The following SOCS6 variants were observed in gnomAD, a reference collection of about 807,000 sequenced individuals.
SOCS6 encodes suppressor of cytokine signaling 6, also known as STAT induced STAT inhibitor-4.
A neutral mutation model predicts 27.7 loss-of-function variants in SOCS6; 5 were observed. The ratio of observed to expected loss-of-function variants is 0.18; its 90% confidence interval spans 0.09 to 0.38. The LOEUF (loss-of-function observed/expected upper bound fraction) is 0.38. Among genes scored for constraint, SOCS6 ranks in the 10% least tolerant of loss-of-function variants. The pLI, the probability that SOCS6 is intolerant of heterozygous loss-of-function variation, is 1.00. For synonymous variants in SOCS6, 271 were observed against 260.0 expected (o/e 1.04, Z -0.41); for missense variants, 595 against 688.1 (o/e 0.86, Z 1.51).
intron 1 of SOCS6, among the ~76,000 whole-genome samples, 190 bp from the exon 2 acceptor site, chr18:70,324,353 T>C (rs372740368): frequency 6.8e-6 from 1 of 146,472 alleles, no homozygotes; most frequent in East Asian, 1.9e-4. Context: ...ACTTGCCAAA[T>C]GCTCATTGTG....
intron 1 of SOCS6, among the ~76,000 whole-genome samples, chr18:70,317,582 C>CACA (rs1232032746): frequency 3.4e-5 from 5 of 145,638 alleles, no homozygotes; most frequent in African/African-American, 1.0e-4. Context: ...CACACACACA[C>CACA]CACATTTTCT....
chr18:70,319,736 A>G (rs1373399462), intron 1 of SOCS6, among the ~76,000 whole-genome samples: 1 of 152,146 alleles, frequency 6.6e-6, no homozygotes, highest in Non-Finnish European at 1.5e-5. Context: ...TGAAATGTGA[A>G]TATTTCAAAG....
chr18:70,298,202 C>T (rs893923249), intron 1 of SOCS6, among the ~76,000 whole-genome samples: 13 of 152,042 alleles, frequency 8.6e-5, no homozygotes, highest in Non-Finnish European at 1.8e-4. Context: ...CACTTTGCTA[C>T]AGTACAGAAT....
intron 1 of SOCS6, among the ~76,000 whole-genome samples, chr18:70,317,124 T>A (rs1010231734): frequency 6.6e-6 from 1 of 152,208 alleles, no homozygotes; most frequent in African/African-American, 2.4e-5. Flanking sequence ...TCTTTAGTGG[T>A]GATTTCTGAG....
At chr18:70,318,075 C>G (rs183549064) in intron 1 of SOCS6, among the ~76,000 whole-genome samples, 6 of 152,214 alleles carry the variant, frequency 3.9e-5, no homozygotes, top group Non-Finnish European at 4.4e-5. Context: ...GACTGGCCCT[C>G]GAACGCCTGA....
intron 1 of SOCS6, among the ~76,000 whole-genome samples, chr18:70,289,753 C>T (rs1410305164): frequency 6.6e-6 from 1 of 152,048 alleles, no homozygotes; most frequent in Non-Finnish European, 1.5e-5. Flanking sequence ...AAGGTGCCGC[C>T]GGCCGGCTGC....
intron 1 of SOCS6, among the ~76,000 whole-genome samples, chr18:70,297,979 T>C (rs982043755): frequency 6.6e-6 from 1 of 152,210 alleles, no homozygotes; most frequent in African/African-American, 2.4e-5. Context: ...AGCATTTGAA[T>C]AATGGGCAAA....
chr18:70,321,312 GTTTTTTT>G (rs763120236), intron 1 of SOCS6, among the ~76,000 whole-genome samples: 2,084 of 68,668 alleles, frequency 0.03, 31 homozygotes, highest in South Asian at 0.064. Context: ...AATTTTCTCA[GTTTTTTT>G]TTTTTTTTTT....
intron 1 of SOCS6, among the ~76,000 whole-genome samples, chr18:70,322,759 G>A (rs1911037129): frequency 1.3e-5 from 2 of 152,076 alleles, no homozygotes; most frequent in Admixed American, 1.3e-4. Flanking sequence ...TTTAAAAATT[G>A]CTTCTTCCTT....
At chr18:70,307,349 GT>G (rs2062373725) in intron 1 of SOCS6, among the ~76,000 whole-genome samples, 1 of 152,200 alleles carries the variant, frequency 6.6e-6, no homozygotes, top group Admixed American at 6.5e-5. Context: ...TGTTATCAGG[GT>G]AATACTGGCC....
chr18:70,323,213 A>G (rs983630278), intron 1 of SOCS6, among the ~76,000 whole-genome samples: 4 of 152,240 alleles, frequency 2.6e-5, no homozygotes, highest in Non-Finnish European at 5.9e-5. Flanking sequence ...GCTCAAGTCA[A>G]GCGAATCACC....
chr18:70,325,649 T>A lies in SOCS6; in HGVS notation c.981T>A (p.Ser327Arg), dbSNP rs780470478. 2 of 1,614,238 alleles carry A rather than the reference T, an allele frequency of 1.2e-6. No homozygotes were observed. The highest frequency in any genetic ancestry group is 2.2e-5 in the South Asian group (2 of 91,090). Residue 327 changes from serine (S) to arginine (R), a missense_variant, in exon 2 of 2, where the codon AGT becomes AGA. Ser to Arg is a moderately radical substitution (Grantham distance 110). Around this residue, in one of 2 missense-constraint regions of SOCS6, gnomAD observed 467 missense variants for 481.1 expected, o/e 0.97. Coordinates refer to ENST00000397942, the MANE Select transcript of SOCS6 (RefSeq NM_004232.4). The surrounding 1 kb of genome is among the most constrained non-coding windows in gnomAD (Gnocchi z 6.3). ...ATAATCAAATCCAAAGGAACTTCAG[T>A]GGACTCACTGGCACAGAAGCCCACG... ...MQNNQIQRNF[S>R]GLTGTEAHVA...
At position 70,328,875 on chromosome 18, in the gene SOCS6, A is replaced by G. The variant is rs1372658774; in HGVS notation, c.*2599A>G. 6.0e-6 allele frequency: 1 copy of G among 167,048 alleles called. No individual in the cohort carries two copies. Among genetic ancestry groups the G allele is most frequent in the African/African-American group, 2.4e-5 (1 of 41,464 alleles). 10.3% of individuals were successfully genotyped at this position (167,048 alleles called of 1,614,324 possible). A position where few individuals can be genotyped will look rare whatever the true frequency, so the allele number is the denominator to read the frequency against. ...GAAAACTCATCATTTAGTTTGGTCT[A>G]GACACAATTTGGTTAAATTTTAGGA... On this transcript the variant is annotated 3_prime_UTR_variant, in exon 2 of 2. Transcript: ENST00000397942.
intron 1 of SOCS6, among the ~76,000 whole-genome samples, chr18:70,310,762 T>C (rs978724758): frequency 5.3e-5 from 8 of 152,164 alleles, no homozygotes; most frequent in African/African-American, 1.9e-4. Flanking sequence ...CTGTCTATGC[T>C]CTTAATCATG....
At chr18:70,289,430 C>G (rs1287943254) in intron 1 of SOCS6, among the ~76,000 whole-genome samples, 1 of 147,444 alleles carries the variant, frequency 6.8e-6, no homozygotes, top group Non-Finnish European at 1.5e-5. Context: ...GACGGCTCTT[C>G]TCGACCCCTC....
At chr18:70,319,806 T>C (rs1339322251) in intron 1 of SOCS6, among the ~76,000 whole-genome samples, 1 of 152,120 alleles carries the variant, frequency 6.6e-6, no homozygotes, top group East Asian at 1.9e-4. Flanking sequence ...CTTGTTTGAA[T>C]TGCTGGCTAC....
chr18:70,317,063 T>C (rs905957546), intron 1 of SOCS6, among the ~76,000 whole-genome samples: 2 of 152,248 alleles, frequency 1.3e-5, no homozygotes, highest in African/African-American at 4.8e-5. Context: ...TAATGTATTT[T>C]TTATTTCAAT....
intron 1 of SOCS6, among the ~76,000 whole-genome samples, chr18:70,314,029 T>C (rs2062401162): frequency 6.6e-6 from 1 of 152,228 alleles, no homozygotes; most frequent in Non-Finnish European, 1.5e-5. Flanking sequence ...TTCACCTTTT[T>C]TGAAGCTGTT....
chr18:70,319,783 T>C (rs1910907747), intron 1 of SOCS6, among the ~76,000 whole-genome samples: 1 of 152,096 alleles, frequency 6.6e-6, no homozygotes, highest in Non-Finnish European at 1.5e-5. Flanking sequence ...GAAGAGTGTC[T>C]CCAGGGGAAG....
Sources: gnomAD v4.1 joint callset for allele counts (sites outside exome capture counted in the v4.1 genomes callset) on GRCh38, gnomAD v4.1.1 for gene constraint, gnomAD v4.1.1 regional missense constraint, Gnocchi (gnomAD v3.1) non-coding constraint, MANE v1.5 for transcripts, NCBI Gene and HGNC (gene_info 2026-07-23, HGNC 2026-07-21) for gene names.